Variants in ADK observed in about 807,000 individuals in gnomAD.
ADK encodes the protein N6,N6-dimethyladenosine kinase.
ADK carries 24 observed loss-of-function variants against 44.7 expected under a neutral mutation model. The observed-to-expected ratio is 0.54, with a 90% CI of 0.39 to 0.76. The LOEUF (loss-of-function observed/expected upper bound fraction) is 0.76, where lower values mean the gene tolerates loss of function less well. Among genes scored for constraint, ADK ranks in the 30% least tolerant of loss-of-function variants. The probability of loss-of-function intolerance (pLI) is 0.00; values close to 1 mark genes in which losing one functional copy is unlikely to be tolerated. For missense variants in ADK, 321 were observed against 425.1 expected, an observed-to-expected ratio of 0.76 and a Z score of 2.15; for synonymous variants, 128 against 142.6, an observed-to-expected ratio of 0.90 and a Z score of 0.73.
Position 74,314,871 on chromosome 10 carries a change from T to C in ADK, c.273+126T>C, listed in dbSNP as rs1279157716. The C allele has an allele frequency of 9.5e-6, 7 of 736,850 alleles. No individual in the cohort carries two copies. In the East Asian group the frequency reaches 1.1e-4, roughly 11 times the overall value. The allele number at this position is 736,850 out of a possible 1,614,324, so 45.6% of individuals were successfully genotyped here. A position where few individuals can be genotyped will look rare whatever the true frequency, so the allele number is the denominator to read the frequency against. On this transcript the variant is annotated intron_variant, in intron 4 of 10. Coordinates refer to ENST00000539909, the MANE Select transcript of ADK (RefSeq NM_006721.4). ...GTTTTGTTCATTTGAATTGGGATTT[T>C]AGTAGTCATTGCACATCTAATCAAA...
chr10:74,698,486 A>G (rs913099722), intron 10 of ADK, among the ~76,000 whole-genome samples: 2 of 152,208 alleles, frequency 1.3e-5, no homozygotes, highest in Non-Finnish European at 2.9e-5. Flanking sequence ...AAAGTCAGTT[A>G]TTTAATATTT....
intron 1 of ADK, chr10:74,176,769 T>TG (rs1842354938): frequency 1.3e-6 from 2 of 1,570,016 alleles, no homozygotes; most frequent in African/African-American, 2.7e-5. Flanking sequence ...TCCCAGTCGC[T>TG]GAGTGCCTGA....
chr10:74,621,829 CA>C (rs1853004298), intron 9 of ADK, among the ~76,000 whole-genome samples: 2 of 152,118 alleles, frequency 1.3e-5, no homozygotes, highest in South Asian at 4.1e-4. Context: ...TAAGCCACCT[CA>C]AGGTTGGGTT....
chr10:74,219,957 G>A (rs1366411613), intron 2 of ADK, among the ~76,000 whole-genome samples: 5 of 144,464 alleles, frequency 3.5e-5, no homozygotes, highest in African/African-American at 1.3e-4. Context: ...ACAATTAAAA[G>A]AACTAGAAAA....
intron 7 of ADK, among the ~76,000 whole-genome samples, chr10:74,579,005 A>T (rs1251640858): frequency 6.6e-6 from 1 of 152,102 alleles, no homozygotes; most frequent in Non-Finnish European, 1.5e-5. Flanking sequence ...AGGCCGAGGC[A>T]GGTGGATCAC....
intron 1 of ADK, among the ~76,000 whole-genome samples, chr10:74,197,244 A>G (rs1456695318): frequency 6.6e-6 from 1 of 152,212 alleles, no homozygotes; most frequent in Non-Finnish European, 1.5e-5. Context: ...GAGGATAGCA[A>G]GGAAAAGATG....
At chr10:74,483,698 A>G (rs112892864) in intron 6 of ADK, among the ~76,000 whole-genome samples, 1 of 152,300 alleles carries the variant, frequency 6.6e-6, no homozygotes, top group Non-Finnish European at 1.5e-5. Flanking sequence ...TGCTGCTTAG[A>G]TATTTCTTCT....
intron 6 of ADK, among the ~76,000 whole-genome samples, chr10:74,409,241 AG>A (rs1844075882): frequency 6.6e-6 from 1 of 152,308 alleles, no homozygotes; most frequent in East Asian, 1.9e-4. Context: ...ATAGGAAAAA[AG>A]GTTCCAAGTT....
At chr10:74,323,777 A>G (rs1000128424) in intron 4 of ADK, among the ~76,000 whole-genome samples, 40 of 152,088 alleles carry the variant, frequency 2.6e-4, no homozygotes, top group Admixed American at 2.4e-3. Context: ...TCACCGTGTT[A>G]GCCAGGATGG....
chr10:74,175,132 C>T (rs1195526169), intron 1 of ADK, among the ~76,000 whole-genome samples: 2 of 152,138 alleles, frequency 1.3e-5, no homozygotes, highest in African/African-American at 4.8e-5. Flanking sequence ...AGTGTTGGCT[C>T]ACGCCTGGAA....
intron 7 of ADK, among the ~76,000 whole-genome samples, chr10:74,543,102 A>G (rs984018832): frequency 6.6e-6 from 1 of 151,730 alleles, no homozygotes; most frequent in Non-Finnish European, 1.5e-5. Flanking sequence ...GGGTTTCACC[A>G]TGTTAGCCAG....
intron 3 of ADK, among the ~76,000 whole-genome samples, chr10:74,247,208 A>AT (rs1213270324): frequency 0.012 from 699 of 59,290 alleles, 4 homozygotes; most frequent in African/African-American, 0.031. Context: ...GCTTTTTTTG[A>AT]TTTTTTTTTT....
chr10:74,514,956 C>G (rs1430295582), intron 6 of ADK, among the ~76,000 whole-genome samples: 1 of 152,136 alleles, frequency 6.6e-6, no homozygotes, highest in East Asian at 1.9e-4. Context: ...CCCCAAGTAG[C>G]TGGAACTACA....
At chr10:74,209,361 C>T (rs1843724574) in intron 2 of ADK, among the ~76,000 whole-genome samples, 2 of 152,152 alleles carry the variant, frequency 1.3e-5, no homozygotes, top group Non-Finnish European at 2.9e-5. Context: ...CCGTGGATTT[C>T]CCAGCCTCCA....
intron 1 of ADK, among the ~76,000 whole-genome samples, chr10:74,160,463 G>A (rs992102763): frequency 6.6e-6 from 1 of 152,220 alleles, no homozygotes; most frequent in African/African-American, 2.4e-5. Context: ...TTACACTGCT[G>A]CTTCAATAAA....
intron 9 of ADK, among the ~76,000 whole-genome samples, chr10:74,620,938 G>A (rs1410037844): frequency 6.6e-6 from 1 of 151,878 alleles, no homozygotes; most frequent in Non-Finnish European, 1.5e-5. Flanking sequence ...AGATGTTTAA[G>A]TTCCTTGTAT....
chr10:74,633,373 A>G (rs1853505871), intron 9 of ADK, among the ~76,000 whole-genome samples: 1 of 152,160 alleles, frequency 6.6e-6, no homozygotes, highest in African/African-American at 2.4e-5. Flanking sequence ...CTTTTGGTAC[A>G]CATCTTGGTA....
intron 7 of ADK, among the ~76,000 whole-genome samples, chr10:74,564,790 G>T (rs890297930): frequency 6.6e-6 from 1 of 151,918 alleles, no homozygotes; most frequent in Non-Finnish European, 1.5e-5. Flanking sequence ...CATTTTGGGG[G>T]TGCTTTCCTT....
chr10:74,346,332 G>T (rs980966881), intron 4 of ADK, among the ~76,000 whole-genome samples: 1 of 150,668 alleles, frequency 6.6e-6, no homozygotes, highest in African/African-American at 2.5e-5. Context: ...TGGCTATATC[G>T]ATCAGGGTTT....
Sources: allele counts gnomAD v4.1 joint callset (sites outside exome capture counted in the v4.1 genomes callset), GRCh38; gene constraint gnomAD v4.1.1; transcripts MANE v1.5; gene names NCBI Gene and HGNC (gene_info 2026-07-23, HGNC 2026-07-21).